HMGCLL1: variants seen among roughly 807,000 people sequenced by gnomAD.
The protein encoded by HMGCLL1 is 3-hydroxymethyl-3-methylglutaryl-CoA lyase, cytoplasmic.
A neutral mutation model predicts 39.1 loss-of-function variants in HMGCLL1; 36 were observed. That is an observed-to-expected ratio of 0.92 (90% CI 0.71 to 1.22). The LOEUF is 1.22. HMGCLL1 is among the 50% of genes most tolerant of loss of function. The probability of loss-of-function intolerance (pLI) is 0.00; values close to 1 mark genes in which losing one functional copy is unlikely to be tolerated. For synonymous variants in HMGCLL1, 149 were observed against 144.0 expected, an observed-to-expected ratio of 1.03 and a Z score of -0.25; for missense variants, 451 against 416.5, an observed-to-expected ratio of 1.08 and a Z score of -0.72.
intron 7 of HMGCLL1, among the ~76,000 whole-genome samples, chr6:55,476,038 C>T (rs7744369): frequency 0.15 from 23,074 of 151,444 alleles, 1,804 homozygotes; most frequent in South Asian, 0.21. Context: ...TTGAAATTCC[C>T]CTTTTCGATT....
the HMGCLL1 span, among the ~76,000 whole-genome samples, chr6:55,644,819 A>C: frequency 6.6e-6 from 1 of 151,972 alleles, no homozygotes; most frequent in Non-Finnish European, 1.5e-5. Flanking sequence ...TATTAGTTGA[A>C]GTCAGGTAAT....
At chr6:55,583,539 G>T (rs1341860609), upstream of HMGCLL1, among the ~76,000 whole-genome samples, 13 of 151,932 alleles carry the variant, frequency 8.6e-5, no homozygotes, top group Admixed American at 8.5e-4. Flanking sequence ...CCTTTTTTAT[G>T]GCTGCATAGT....
chr6:55,641,761 T>C, the HMGCLL1 span, among the ~76,000 whole-genome samples: 4 of 151,846 alleles, frequency 2.6e-5, no homozygotes, highest in Non-Finnish European at 4.4e-5. Context: ...GAAAATCAAA[T>C]CTGTTTCCTA....
the HMGCLL1 span, among the ~76,000 whole-genome samples, chr6:55,595,493 T>C: frequency 1.4e-4 from 21 of 152,320 alleles, no homozygotes; most frequent in South Asian, 3.9e-3. Flanking sequence ...CTTAACTTTG[T>C]TCTTCACAGG....
At chr6:55,559,956 TAA>T (rs1770860752) in intron 1 of HMGCLL1, among the ~76,000 whole-genome samples, 1 of 152,104 alleles carries the variant, frequency 6.6e-6, no homozygotes, top group African/African-American at 2.4e-5. Context: ...AAGGAAAAAA[TAA>T]ACTACTTCTT....
rs1213086626 is a variant in HMGCLL1, at chr6:55,470,529, AT to A, written c.795+24889del. 3.3e-5 allele frequency among the ~76,000 whole-genome samples: 5 copies of A among 151,816 alleles called. No homozygotes were observed. In the East Asian group the frequency reaches 7.7e-4, roughly 23 times the overall value. ...CAAAATGGTTACATTGACATATTTC[AT>A]TTTTTTCTTTAACTTTTAGATTTCT... On this transcript the variant is annotated intron_variant, in intron 7 of 8. Transcript: ENST00000274901.
At chr6:55,444,852 T>C (rs1026647147) in intron 7 of HMGCLL1, among the ~76,000 whole-genome samples, 5 of 152,032 alleles carry the variant, frequency 3.3e-5, no homozygotes, top group Admixed American at 2.0e-4. Context: ...AATGGATCTT[T>C]CTAGGATCTA....
intron 1 of HMGCLL1, among the ~76,000 whole-genome samples, chr6:55,565,216 G>C (rs1771156650): frequency 6.6e-6 from 1 of 152,004 alleles, no homozygotes; most frequent in Non-Finnish European, 1.5e-5. Context: ...CCAGGTGAGT[G>C]GCCTAGAGTG....
At chr6:55,593,702 G>A in the HMGCLL1 span, among the ~76,000 whole-genome samples, 1 of 151,812 alleles carries the variant, frequency 6.6e-6, no homozygotes, top group Non-Finnish European at 1.5e-5. Flanking sequence ...TATCTTTCCA[G>A]TTCCTTAGAC....
At chr6:55,621,650 T>C in the HMGCLL1 span, among the ~76,000 whole-genome samples, 1 of 152,002 alleles carries the variant, frequency 6.6e-6, no homozygotes, top group Non-Finnish European at 1.5e-5. Context: ...GTGCTCCGAC[T>C]GTTTCTACAT....
At chr6:55,444,375 A>G (rs1763726465) in intron 7 of HMGCLL1, among the ~76,000 whole-genome samples, 1 of 152,070 alleles carries the variant, frequency 6.6e-6, no homozygotes, top group South Asian at 2.1e-4. Context: ...TTGGTTTTGT[A>G]TAGGATATAT....
intron 6 of HMGCLL1, among the ~76,000 whole-genome samples, chr6:55,497,340 A>C (rs1766634933): frequency 6.6e-6 from 1 of 152,138 alleles, no homozygotes. Context: ...AAAGATAAAA[A>C]CAATTTTAAT....
intron 7 of HMGCLL1, among the ~76,000 whole-genome samples, chr6:55,489,060 G>A (rs1156421903): frequency 1.3e-5 from 2 of 151,878 alleles, no homozygotes; most frequent in Non-Finnish European, 2.9e-5. Flanking sequence ...GTACAACACT[G>A]GCCAATTCAA....
intron 7 of HMGCLL1, among the ~76,000 whole-genome samples, chr6:55,479,868 G>T (rs760858062): frequency 6.6e-6 from 1 of 151,658 alleles, no homozygotes; most frequent in Non-Finnish European, 1.5e-5. Context: ...GCTTACTAAA[G>T]AAGGCAGTCT....
intron 1 of HMGCLL1, among the ~76,000 whole-genome samples, chr6:55,559,274 G>C (rs566724095): frequency 3.9e-5 from 6 of 152,226 alleles, no homozygotes; most frequent in African/African-American, 1.4e-4. Flanking sequence ...AAATTTGTTT[G>C]TTTCTAAATG....
intron 7 of HMGCLL1, among the ~76,000 whole-genome samples, chr6:55,485,556 C>A (rs1235666569): frequency 6.6e-6 from 1 of 151,910 alleles, no homozygotes; most frequent in East Asian, 1.9e-4. Context: ...ATATGTTAGA[C>A]ACCTTAATAT....
the HMGCLL1 span, among the ~76,000 whole-genome samples, chr6:55,655,515 G>C: frequency 1.4e-5 from 2 of 144,558 alleles, no homozygotes; most frequent in Non-Finnish European, 3.0e-5. Flanking sequence ...GAGATAGTTG[G>C]ATAGGTAGGT....
At chr6:55,517,628 A>G (rs1259048252) in intron 3 of HMGCLL1, among the ~76,000 whole-genome samples, 2 of 152,030 alleles carry the variant, frequency 1.3e-5, no homozygotes, top group East Asian at 3.9e-4. Flanking sequence ...AATAAATCCA[A>G]ACAAAAAATG....
chr6:55,606,011 A>G, the HMGCLL1 span, among the ~76,000 whole-genome samples: 2,076 of 152,244 alleles, frequency 0.014, 52 homozygotes, highest in African/African-American at 0.047. Context: ...ACATTTTCCT[A>G]TTTGATGAAT....
Sources: gnomAD v4.1 joint callset for allele counts (sites outside exome capture counted in the v4.1 genomes callset) on GRCh38, gnomAD v4.1.1 for gene constraint, MANE v1.5 for transcripts, NCBI Gene and HGNC (gene_info 2026-07-23, HGNC 2026-07-21) for gene names.